EIF3H: variants seen among roughly 807,000 people sequenced by gnomAD.
The protein encoded by EIF3H is eIF-3-gamma.
In EIF3H, 26 loss-of-function variants were observed where a neutral mutation model predicts 44.2. That is an observed-to-expected ratio of 0.59 (90% CI 0.43 to 0.82). The LOEUF is 0.82. Among genes scored for constraint, EIF3H ranks in the 40% least tolerant of loss-of-function variants. EIF3H has a pLI of 0.00. For synonymous variants in EIF3H, 166 were observed against 151.9 expected (o/e 1.09, Z -0.68); for missense variants, 359 against 432.8 (o/e 0.83, Z 1.51).
intron 2 of EIF3H, among the ~76,000 whole-genome samples, chr8:116,697,831 T>C (rs1814294522): frequency 1.3e-5 from 2 of 152,228 alleles, no homozygotes; most frequent in African/African-American, 4.8e-5. Flanking sequence ...GCATCTCAAT[T>C]GATTAAGTTA....
At chr8:116,681,004 A>C (rs191267816) in intron 2 of EIF3H, among the ~76,000 whole-genome samples, 1 of 151,944 alleles carries the variant, frequency 6.6e-6, no homozygotes, top group Non-Finnish European at 1.5e-5. Context: ...AGTACAGCTT[A>C]AATAATGATC....
At chr8:116,759,421 A>T (rs1036202834), upstream of EIF3H, among the ~76,000 whole-genome samples, 1 of 152,020 alleles carries the variant, frequency 6.6e-6, no homozygotes, top group African/African-American at 2.4e-5. Flanking sequence ...TGGCATAATA[A>T]CTCTACCCAC....
intron 1 of EIF3H, among the ~76,000 whole-genome samples, chr8:116,735,736 T>G (rs1289102852): frequency 7.9e-5 from 12 of 151,786 alleles, no homozygotes; most frequent in Admixed American, 7.9e-4. Context: ...CTGCTGTTGA[T>G]GTATCAAGCC....
intron 2 of EIF3H, among the ~76,000 whole-genome samples, chr8:116,692,870 C>G (rs1204666464): frequency 6.6e-6 from 1 of 152,126 alleles, no homozygotes; most frequent in African/African-American, 2.4e-5. Flanking sequence ...TAATAAGCCC[C>G]AAGTTCTTCT....
At chr8:116,736,636 TGG>T (rs1815046152) in intron 1 of EIF3H, among the ~76,000 whole-genome samples, 1 of 152,026 alleles carries the variant, frequency 6.6e-6, no homozygotes, top group Non-Finnish European at 1.5e-5. Context: ...CACTCCAGCC[TGG>T]GCGACAGAGC....
chr8:116,748,811 A>C (rs1482977354), intron 1 of EIF3H, among the ~76,000 whole-genome samples: 2 of 152,252 alleles, frequency 1.3e-5, no homozygotes, highest in Non-Finnish European at 2.9e-5. Flanking sequence ...TATTGCATAT[A>C]ACCTAGGCAC....
chr8:116,705,781 G>GATAAA (rs1814459543), intron 2 of EIF3H, among the ~76,000 whole-genome samples: 1 of 151,888 alleles, frequency 6.6e-6, no homozygotes, highest in Non-Finnish European at 1.5e-5. Flanking sequence ...CAGAAAAACT[G>GATAAA]GTGAAATCCA....
chr8:116,714,023 C>A (rs1016320257), intron 2 of EIF3H, among the ~76,000 whole-genome samples: 2 of 152,026 alleles, frequency 1.3e-5, no homozygotes, highest in Non-Finnish European at 2.9e-5. Flanking sequence ...ATCAGGAGAA[C>A]TTTCATGTAT....
intron 2 of EIF3H, among the ~76,000 whole-genome samples, chr8:116,705,024 C>T (rs774202912): frequency 2.0e-5 from 3 of 152,102 alleles, no homozygotes; most frequent in Admixed American, 6.6e-5. Context: ...TAGCACTGCC[C>T]ACAGGAAACA....
intron 1 of EIF3H, among the ~76,000 whole-genome samples, chr8:116,735,603 T>G (rs916384572): frequency 2.6e-5 from 4 of 152,128 alleles, no homozygotes; most frequent in African/African-American, 7.2e-5. Context: ...TTTGGAATAG[T>G]TGCATTTTCA....
intron 1 of EIF3H, among the ~76,000 whole-genome samples, chr8:116,728,282 G>A: frequency 3.3e-5 from 1 of 30,688 alleles, no homozygotes; most frequent in East Asian, 3.7e-4. Context: ...TAGGAGAAAG[G>A]TACTGTTAAT....
chr8:116,707,889 C>A (rs1242609682), intron 2 of EIF3H, among the ~76,000 whole-genome samples: 1 of 152,132 alleles, frequency 6.6e-6, no homozygotes, highest in Non-Finnish European at 1.5e-5. Flanking sequence ...TAACTAATCT[C>A]ATTTTTCTAT....
chr8:116,743,734 G>A (rs1299445835), intron 1 of EIF3H, among the ~76,000 whole-genome samples: 1 of 139,992 alleles, frequency 7.1e-6, no homozygotes, highest in African/African-American at 2.6e-5. Context: ...CTCCAGCCTG[G>A]GCGACAGAGC....
rs1813663128 is a variant in EIF3H, at chr8:116,666,224, G to C, written c.290-7244C>G. 2.6e-5 allele frequency among the ~76,000 whole-genome samples: 4 copies of C among 152,182 alleles called. No homozygotes were observed. In the South Asian group the frequency reaches 8.3e-4, roughly 32 times the overall value. ...CTTCTTTAAAGTGTTTATGAATTCT[G>C]AAAAAATATTTTTTTGAATGCCAAG... On this transcript the variant is annotated intron_variant, in intron 2 of 7. Transcript: ENST00000521861.
intron 1 of EIF3H, among the ~76,000 whole-genome samples, chr8:116,746,916 A>C (rs1308677412): frequency 2.0e-4 from 30 of 152,222 alleles, no homozygotes; most frequent in Admixed American, 1.8e-3. Context: ...TAAATTTAAC[A>C]ACCAAAAAAG....
intron 1 of EIF3H, among the ~76,000 whole-genome samples, chr8:116,761,966 C>A (rs778942545): frequency 6.6e-6 from 1 of 152,154 alleles, no homozygotes; most frequent in East Asian, 1.9e-4. Context: ...ACTGACACAC[C>A]AAATTCAAAT....
rs181790242 is a variant in EIF3H, at chr8:116,669,348, T to C, written c.290-10368A>G. On this transcript the variant is annotated intron_variant, in intron 2 of 7. Transcript: ENST00000521861. ...TATAAGTTTCTATCTCCTGATTCCA[T>C]TAATAACTCTTCCAAAGAGAGGAAA... Among the ~76,000 whole-genome samples, 139 of 152,284 alleles carry C rather than the reference T, an allele frequency of 9.1e-4. 1 individual carries two copies. The highest frequency in any genetic ancestry group is 2.2e-4 in the Non-Finnish European group (15 of 68,028).
intron 2 of EIF3H, among the ~76,000 whole-genome samples, chr8:116,718,113 A>C (rs1814685028): frequency 6.6e-6 from 1 of 152,140 alleles, no homozygotes; most frequent in African/African-American, 2.4e-5. Flanking sequence ...GCCAACAAAC[A>C]TATGAAAAAA....
chr8:116,656,093 C>T, intron 4 of EIF3H, 88 bp from the exon 5 acceptor site: 6 of 1,254,508 alleles, frequency 4.8e-6, no homozygotes, highest in Non-Finnish European at 6.7e-6. Context: ...AATTACAGGC[C>T]CTATCCAAGA....
Sources: gnomAD v4.1 joint callset for allele counts (sites outside exome capture counted in the v4.1 genomes callset) on GRCh38, gnomAD v4.1.1 for gene constraint, MANE v1.5 for transcripts, NCBI Gene and HGNC (gene_info 2026-07-23, HGNC 2026-07-21) for gene names.